ESRRG: variants seen among roughly 807,000 people sequenced by gnomAD.
ESRRG encodes estrogen-related receptor gamma.
ESRRG carries 13 observed loss-of-function variants against 44.0 expected under a neutral mutation model. That is an observed-to-expected ratio of 0.30 (90% CI 0.19 to 0.47). The LOEUF (loss-of-function observed/expected upper bound fraction) is 0.47, where lower values mean the gene tolerates loss of function less well. Ranked by LOEUF, ESRRG falls within the 20% of genes least tolerant of loss-of-function variation. ESRRG has a pLI of 1.00. For missense variants in ESRRG, 395 were observed against 580.6 expected (o/e 0.68, Z 3.29); for synonymous variants, 215 against 214.6 (o/e 1.00, Z -0.02).
intron 2 of ESRRG, among the ~76,000 whole-genome samples, chr1:216,915,559 A>T (rs1441105110): frequency 1.3e-5 from 2 of 152,020 alleles, no homozygotes; most frequent in African/African-American, 2.4e-5. Flanking sequence ...TCCAACCCAA[A>T]ACAGCCAAGA....
At chr1:216,873,299 C>T (rs921830117) in intron 2 of ESRRG, among the ~76,000 whole-genome samples, 3 of 148,662 alleles carry the variant, frequency 2.0e-5, no homozygotes, top group African/African-American at 7.5e-5. Flanking sequence ...GCAACCTCCG[C>T]CCCCCTGGTT....
At chr1:216,667,414 A>G (rs1384925596) in intron 2 of ESRRG, among the ~76,000 whole-genome samples, 3 of 152,154 alleles carry the variant, frequency 2.0e-5, no homozygotes, top group Admixed American at 6.5e-5. Flanking sequence ...GGCCGGGTGC[A>G]GTGGCTCATG....
At chr1:216,679,753 A>G (rs2076732646) in intron 1 of ESRRG, among the ~76,000 whole-genome samples, 2 of 146,836 alleles carry the variant, frequency 1.4e-5, no homozygotes, top group South Asian at 2.1e-4. Context: ...TTTCACCCCA[A>G]TTTTCTTTTT....
chr1:216,601,084 G>A (rs1007701479), intron 3 of ESRRG, among the ~76,000 whole-genome samples: 4 of 152,158 alleles, frequency 2.6e-5, no homozygotes, highest in Non-Finnish European at 5.9e-5. Flanking sequence ...CGGCAGCGCG[G>A]GCGGCAGCAG....
At chr1:216,660,353 A>G (rs2071967016) in intron 2 of ESRRG, among the ~76,000 whole-genome samples, 1 of 152,206 alleles carries the variant, frequency 6.6e-6, no homozygotes, top group Admixed American at 6.5e-5. Flanking sequence ...ACAAACACTA[A>G]GACTCACAGG....
chr1:216,594,109 T>C (rs540941493), intron 3 of ESRRG, among the ~76,000 whole-genome samples: 99 of 152,306 alleles, frequency 6.5e-4, no homozygotes, highest in Middle Eastern at 3.4e-3. Context: ...TTCATATTTA[T>C]GAGAGTTGAG....
At chr1:216,640,488 GGAGAGAGAGAGAGAGA>G (rs72397494) in intron 3 of ESRRG, among the ~76,000 whole-genome samples, 1 of 146,854 alleles carries the variant, frequency 6.8e-6, no homozygotes, top group Non-Finnish European at 1.5e-5. Context: ...ACTAAGTGAG[GGAGAGAGAGAGAGAGA>G]GAGAGAGAGA....
rs2069379235 is a variant in ESRRG at position 216,652,955 on chromosome 1, C to T, written c.473-1866G>A. On this transcript the variant is annotated intron_variant, in intron 2 of 6. Transcript: ENST00000408911. ...CTTAGGAAGGACTGAACAGTGACTG[C>T]TTAAAAGGATCAGAAAGAAAGAAAA... 1.3e-5 allele frequency among the ~76,000 whole-genome samples: 2 copies of T among 151,184 alleles called. 1 individual carries two copies. Among genetic ancestry groups the T allele is most frequent in the South Asian group, 4.3e-4 (2 of 4,672 alleles).
At chr1:217,095,950 G>A (rs1251972528) in intron 1 of ESRRG, among the ~76,000 whole-genome samples, 22 of 152,156 alleles carry the variant, frequency 1.4e-4, no homozygotes. Context: ...ATTTATTTGG[G>A]AATCATCAGT....
intron 1 of ESRRG, among the ~76,000 whole-genome samples, chr1:217,064,004 A>G (rs2089131823): frequency 6.6e-6 from 1 of 152,102 alleles, no homozygotes; most frequent in African/African-American, 2.4e-5. Flanking sequence ...ATATAAACAC[A>G]CACAATAAAT....
At chr1:216,571,212 G>A (rs751511648) in intron 3 of ESRRG, among the ~76,000 whole-genome samples, 1 of 152,144 alleles carries the variant, frequency 6.6e-6, no homozygotes, top group Admixed American at 6.5e-5. Context: ...TTAGGCTGAG[G>A]TGGGTGGATC....
At chr1:216,736,899 A>C (rs922784750) in intron 2 of ESRRG, among the ~76,000 whole-genome samples, 2 of 152,188 alleles carry the variant, frequency 1.3e-5, no homozygotes, top group Non-Finnish European at 2.9e-5. Flanking sequence ...TTCCCTCTAA[A>C]GGTCTACAGT....
intron 2 of ESRRG, chr1:216,864,590 T>C (rs1465591342): frequency 6.6e-6 from 1 of 151,874 alleles, no homozygotes; most frequent in Non-Finnish European, 1.5e-5. Flanking sequence ...ACCAAAACAC[T>C]TTACTGAAAA....
At chr1:216,948,505 A>C (rs1288182703) in intron 1 of ESRRG, among the ~76,000 whole-genome samples, 10 of 151,408 alleles carry the variant, frequency 6.6e-5, no homozygotes, top group African/African-American at 2.4e-4. Flanking sequence ...AGAAAGAAAG[A>C]AACAGGGGAC....
At chr1:216,857,322 G>A (rs2095962733) in intron 2 of ESRRG, among the ~76,000 whole-genome samples, 1 of 146,838 alleles carries the variant, frequency 6.8e-6, no homozygotes. Context: ...ACAATTCTCT[G>A]AAGACATTCC....
At chr1:216,788,949 C>A (rs2094220492) in intron 2 of ESRRG, among the ~76,000 whole-genome samples, 1 of 152,114 alleles carries the variant, frequency 6.6e-6, no homozygotes, top group Non-Finnish European at 1.5e-5. Context: ...GAAAGTGGAA[C>A]TGAATTGCTG....
chr1:217,122,575 A>T (rs1334883713), intron 1 of ESRRG, among the ~76,000 whole-genome samples: 1 of 151,856 alleles, frequency 6.6e-6, no homozygotes, highest in Non-Finnish European at 1.5e-5. Context: ...AGGCTTCTTC[A>T]TCCGGTGGTT....
At chr1:216,763,197 G>A (rs921574726) in intron 2 of ESRRG, among the ~76,000 whole-genome samples, 3 of 152,066 alleles carry the variant, frequency 2.0e-5, no homozygotes, top group African/African-American at 7.2e-5. Context: ...TTTCTTAAAT[G>A]TATTAGATAT....
chr1:216,673,193 A>G (rs1419177879), intron 2 of ESRRG, among the ~76,000 whole-genome samples: 2 of 152,218 alleles, frequency 1.3e-5, no homozygotes, highest in Admixed American at 1.3e-4. Context: ...CATTGGAATA[A>G]GAGTCTGGGC....
Sources: gnomAD v4.1 joint callset for allele counts (sites outside exome capture counted in the v4.1 genomes callset) on GRCh38, gnomAD v4.1.1 for gene constraint, MANE v1.5 for transcripts, NCBI Gene and HGNC (gene_info 2026-07-23, HGNC 2026-07-21) for gene names.